GTF2E2: variants seen among roughly 807,000 people sequenced by gnomAD.
GTF2E2 encodes general transcription factor IIE subunit 2, also known as transcription initiation factor IIE subunit beta.
Under a neutral mutation model 40.5 loss-of-function variants are expected in GTF2E2, and 21 were observed. The ratio of observed to expected loss-of-function variants is 0.52; its 90% CI spans 0.37 to 0.75. The LOEUF is 0.75. Among genes scored for constraint, GTF2E2 ranks in the 30% least tolerant of loss-of-function variants. The pLI, the probability that GTF2E2 is intolerant of heterozygous loss-of-function variation, is 0.00. For missense variants in GTF2E2, 298 were observed against 338.4 expected, an observed-to-expected ratio of 0.88 and a Z score of 0.94; for synonymous variants, 117 against 121.6, an observed-to-expected ratio of 0.96 and a Z score of 0.25.
intron 6 of GTF2E2, among the ~76,000 whole-genome samples, chr8:30,600,087 G>C (rs1419513576): frequency 6.6e-6 from 1 of 152,194 alleles, no homozygotes; most frequent in Non-Finnish European, 1.5e-5. Context: ...AGATAAAGGT[G>C]AAACTGTTTA....
intron 6 of GTF2E2, among the ~76,000 whole-genome samples, chr8:30,593,519 C>G (rs1304269655): frequency 6.6e-6 from 1 of 152,220 alleles, no homozygotes; most frequent in African/African-American, 2.4e-5. Context: ...TTGAGACAGG[C>G]TGTGGCTCCG....
chr8:30,609,908 C>T (rs1208512236), intron 5 of GTF2E2, among the ~76,000 whole-genome samples: 3 of 152,188 alleles, frequency 2.0e-5, no homozygotes, highest in African/African-American at 7.2e-5. Context: ...GTTTCCCCTT[C>T]ACCTTCTGCC....
chr8:30,653,536 T>C lies in GTF2E2; in HGVS notation c.63A>G (p.Val21=). ...LFKKRALSTP[V]VEKRSASSES... ...CAGAAGATGCTGAACGTTTTTCTAC[T>C]ACAGGAGTAGAAAGAGCTCGTTTTT... Residue 21 remains valine, a synonymous_variant, in exon 2 of 8, where the codon GTA becomes GTG. Coordinates refer to ENST00000355904, the MANE Select transcript of GTF2E2 (RefSeq NM_002095.6). 3 of 1,613,284 alleles carry C rather than the reference T, an allele frequency of 1.9e-6. No homozygotes were observed. The highest frequency in any genetic ancestry group is 2.5e-6 in the Non-Finnish European group (3 of 1,179,210).
At chr8:30,584,003 T>TCACCGTGTTATCCAGGATGGTCTCGG (rs1828597064) in intron 6 of GTF2E2, among the ~76,000 whole-genome samples, 1 of 151,950 alleles carries the variant, frequency 6.6e-6, no homozygotes, top group Non-Finnish European at 1.5e-5. Context: ...AGACAGGGTT[T>TCACCGTGTTATCCAGGATGGTCTCGG]CACCGTGTTA....
chr8:30,625,575 T>C (rs1410704670), intron 3 of GTF2E2, among the ~76,000 whole-genome samples: 1 of 151,472 alleles, frequency 6.6e-6, no homozygotes, highest in Non-Finnish European at 1.5e-5. Flanking sequence ...AGTGTGCAAG[T>C]AGGGCTATGT....
In GTF2E2 at chr8:30,607,079, G is replaced by T; in HGVS notation, c.621C>A (p.Ser207Arg). 7.0e-7 allele frequency: 1 copy of T among 1,432,956 alleles called. No homozygotes were observed. The allele number at this position is 1,432,956 out of a possible 1,614,324, so 88.8% of individuals were successfully genotyped here. The change falls in exon 6 of 8, where the codon AGC (serine) becomes AGA (arginine). Residue 207 changes from serine to arginine, a missense_variant. Coordinates refer to ENST00000355904, the MANE Select transcript of GTF2E2 (RefSeq NM_002095.6). Reference protein sequence around the residue: ...KKKILFFNDKSCQFSVDEEFQ... With the variant: ...KKKILFFNDKRCQFSVDEEFQ... ...CACCTTCATCCACAGAAAACTGACAGCTCTTATCATTGAAGAAAAGTATTT... is the reference window on the plus strand; with the variant it reads ...CACCTTCATCCACAGAAAACTGACATCTCTTATCATTGAAGAAAAGTATTT...
At chr8:30,585,016 A>C (rs1413676793) in intron 6 of GTF2E2, 1 of 152,168 alleles carries the variant, frequency 6.6e-6, no homozygotes, top group Non-Finnish European at 1.5e-5. Flanking sequence ...GAGAAACCCC[A>C]TCTCTATTAA....
At chr8:30,581,842 G>A (rs28635077) in intron 6 of GTF2E2, among the ~76,000 whole-genome samples, 3,916 of 151,916 alleles carry the variant, frequency 0.026, 179 homozygotes, top group African/African-American at 0.09. Context: ...CATGACAGTC[G>A]GCACTGTACC....
intron 6 of GTF2E2, among the ~76,000 whole-genome samples, chr8:30,587,371 C>T (rs570768898): frequency 6.6e-6 from 1 of 151,850 alleles, no homozygotes; most frequent in African/African-American, 2.4e-5. Flanking sequence ...TGAGATCATG[C>T]CGCTGCATTA....
chr8:30,591,200 G>A (rs1828839089), intron 6 of GTF2E2, among the ~76,000 whole-genome samples: 1 of 152,170 alleles, frequency 6.6e-6, no homozygotes, highest in African/African-American at 2.4e-5. Context: ...GAAATATACA[G>A]ATGGACCGGA....
At position 30,580,383 on chromosome 8, in the gene GTF2E2, C is replaced by T. The variant is rs537975339; in HGVS notation, c.657G>A (p.Leu219=). 7.0e-6 allele frequency: 11 copies of T among 1,566,860 alleles called. No individual in the cohort carries two copies. The East Asian group carries it at 1.8e-4, about 26-fold the overall frequency. The change falls in exon 7 of 8, where the codon CTG becomes CTA. Residue 219 remains leucine (L), a synonymous_variant. Transcript: ENST00000355904. ...TGGAATCTACAGTGACACTCCTCCA[C>T]AGTTTCTGAAATTCTGTATCAAACA... ...QFSVDEEFQK[L]WRSVTVDSMD...
intron 4 of GTF2E2, among the ~76,000 whole-genome samples, chr8:30,613,791 A>G (rs1563488064): frequency 6.6e-6 from 1 of 152,234 alleles, no homozygotes; most frequent in Non-Finnish European, 1.5e-5. Flanking sequence ...CCTAGAAAGT[A>G]GTCTTCTTAG....
At chr8:30,627,448 CAAAAAAAAAAAAA>C (rs71539905) in intron 3 of GTF2E2, among the ~76,000 whole-genome samples, 1 of 64,778 alleles carries the variant, frequency 1.5e-5, no homozygotes, top group African/African-American at 6.5e-5. Flanking sequence ...ACCTCTCTTG[CAAAAAAAAAAAAA>C]AAAAAAAAAA....
chr8:30,597,574 A>G (rs1829047676), intron 6 of GTF2E2: 1 of 152,224 alleles, frequency 6.6e-6, no homozygotes, highest in Non-Finnish European at 1.5e-5. Context: ...CAGGTAAACA[A>G]GTGCTCAGGT....
intron 6 of GTF2E2, among the ~76,000 whole-genome samples, chr8:30,596,305 T>C (rs923893716): frequency 6.6e-6 from 1 of 152,360 alleles, no homozygotes; most frequent in Non-Finnish European, 1.5e-5. Context: ...TCACAGCTTA[T>C]GGGTTCTCTG....
intron 2 of GTF2E2, among the ~76,000 whole-genome samples, chr8:30,636,078 A>C (rs1801590299): frequency 6.6e-6 from 1 of 151,988 alleles, no homozygotes; most frequent in African/African-American, 2.4e-5. Flanking sequence ...GGTGTGGAAA[A>C]CCCTGTACAA....
At chr8:30,609,462 AAATG>A (rs1457363933) in intron 5 of GTF2E2, among the ~76,000 whole-genome samples, 2 of 152,120 alleles carry the variant, frequency 1.3e-5, no homozygotes, top group African/African-American at 4.8e-5. Context: ...TACATAAAAT[AAATG>A]AAAGAACCTG....
At chr8:30,608,003 A>G (rs1452925390) in intron 5 of GTF2E2, among the ~76,000 whole-genome samples, 1 of 152,244 alleles carries the variant, frequency 6.6e-6, no homozygotes, top group African/African-American at 2.4e-5. Context: ...GATATAAAAG[A>G]TTGGAAGAGT....
At chr8:30,613,212 A>C (rs1829529764) in intron 4 of GTF2E2, among the ~76,000 whole-genome samples, 1 of 152,114 alleles carries the variant, frequency 6.6e-6, no homozygotes. Flanking sequence ...TGGCATTATA[A>C]AGTAAGGAAC....
Sources: allele counts gnomAD v4.1 joint callset (sites outside exome capture counted in the v4.1 genomes callset), GRCh38; gene constraint gnomAD v4.1.1; transcripts MANE v1.5; gene names NCBI Gene and HGNC (gene_info 2026-07-23, HGNC 2026-07-21).